The following CRYBG1 variants were observed in gnomAD, a reference collection of about 807,000 sequenced individuals.
The protein encoded by CRYBG1 is crystallin beta-gamma domain containing 1, also known as beta/gamma crystallin domain-containing protein 1.
In CRYBG1, 139 loss-of-function variants were observed where a neutral mutation model predicts 189.2. The observed-to-expected ratio is 0.73, with a 90% CI of 0.64 to 0.85. The LOEUF (loss-of-function observed/expected upper bound fraction) is 0.85. Among genes scored for constraint, CRYBG1 ranks in the 40% least tolerant of loss-of-function variants. The pLI, the probability that CRYBG1 is intolerant of heterozygous loss-of-function variation, is 0.00. For synonymous variants in CRYBG1, 1,023 were observed against 1,017.1 expected (o/e 1.01, Z -0.11); for missense variants, 2,611 against 2,675.8 (o/e 0.98, Z 0.53).
In CRYBG1 at chr6:106,571,785, C is replaced by A; in HGVS notation, c.*3219C>A. On this transcript the variant is annotated 3_prime_UTR_variant, in exon 22 of 22. Coordinates refer to ENST00000633556, the MANE Select transcript of CRYBG1 (RefSeq NM_001371242.2). ...AGTGTGAAGGAACAGCTTGAAAAAA[C>A]TTCGAATTTCTACTGACTACAGACA... is the stretch of plus-strand genomic sequence containing the variant. 1 of 465,394 alleles carries A rather than the reference C, an allele frequency of 2.1e-6. No individual in the cohort carries two copies. The allele number at this position is 465,394 out of a possible 1,614,324, so 28.8% of individuals were successfully genotyped here.
intron 2 of CRYBG1, among the ~76,000 whole-genome samples, chr6:106,498,217 T>A (rs957854581): frequency 2.6e-5 from 4 of 152,080 alleles, no homozygotes; most frequent in African/African-American, 9.7e-5. Context: ...GCAAGCTACC[T>A]AGTTTTGCAA....
chr6:106,422,509 G>GC (rs915846664), intron 1 of CRYBG1, among the ~76,000 whole-genome samples: 2 of 151,346 alleles, frequency 1.3e-5, no homozygotes, highest in African/African-American at 4.9e-5. Flanking sequence ...TTTTTGTATT[G>GC]TTTTTTAGAG....
At chr6:106,430,893 G>A (rs2004413) in intron 1 of CRYBG1, among the ~76,000 whole-genome samples, 57,950 of 151,852 alleles carry the variant, frequency 0.38, 11,842 homozygotes, top group East Asian at 0.68. Context: ...ATGGAGTCTC[G>A]CTCTGTCACC....
intron 1 of CRYBG1, among the ~76,000 whole-genome samples, chr6:106,422,668 T>A (rs998356320): frequency 3.3e-5 from 5 of 152,212 alleles, no homozygotes; most frequent in South Asian, 4.1e-4. Context: ...ACATATTTCA[T>A]CATCTTCTGC....
intron 1 of CRYBG1, among the ~76,000 whole-genome samples, chr6:106,364,643 G>T (rs1228870548): frequency 2.0e-5 from 3 of 152,230 alleles, no homozygotes; most frequent in African/African-American, 7.2e-5. Flanking sequence ...GGGTCTAGTG[G>T]TGTGGTGGAA....
intron 2 of CRYBG1, among the ~76,000 whole-genome samples, chr6:106,483,787 C>T (rs1352562176): frequency 6.6e-6 from 1 of 152,080 alleles, no homozygotes; most frequent in East Asian, 1.9e-4. Context: ...AACATTTTTT[C>T]ATAAACCTGT....
At chr6:106,554,597 G>A (rs990918450) in intron 16 of CRYBG1, among the ~76,000 whole-genome samples, 2 of 152,090 alleles carry the variant, frequency 1.3e-5, no homozygotes, top group East Asian at 1.9e-4. Context: ...GGGCAACAGA[G>A]CAAGACTGTC....
chr6:106,568,838 G>T lies in CRYBG1; in HGVS notation c.*272G>T. On this transcript the variant is annotated 3_prime_UTR_variant, in exon 22 of 22. Transcript: ENST00000633556. ...CAGGTTGCCTAATTAGCAGCTTTTG[G>T]GTGATTTTGTAAAATGTTATATCAA... 1 of 341,230 alleles carries T rather than the reference G, an allele frequency of 2.9e-6. No homozygotes were observed. The allele number at this position is 341,230 out of a possible 1,614,324, so 21.1% of individuals were successfully genotyped here.
intron 1 of CRYBG1, among the ~76,000 whole-genome samples, chr6:106,377,801 T>A (rs1198480821): frequency 6.6e-6 from 1 of 151,994 alleles, no homozygotes; most frequent in Non-Finnish European, 1.5e-5. Context: ...TATAAATAAG[T>A]ATAATTTACT....
chr6:106,434,016 G>T (rs919308596), intron 1 of CRYBG1, among the ~76,000 whole-genome samples: 1 of 151,872 alleles, frequency 6.6e-6, no homozygotes, highest in South Asian at 2.1e-4. Flanking sequence ...CTGTCAACCA[G>T]GACTCTAGTC....
rs1229504243 is a variant in CRYBG1, at chr6:106,361,953, T to TTTTCTTTCTTTCTTTC, written c.173+875_173+876insCTTTCTTTCTTTCTTT. Among the ~76,000 whole-genome samples, 75 of 89,118 alleles carry TTTTCTTTCTTTCTTTC rather than the reference T, an allele frequency of 8.4e-4. 4 individuals carry two copies. Among genetic ancestry groups the TTTTCTTTCTTTCTTTC allele is most frequent in the East Asian group, 1.7e-3 (5 of 2,940 alleles). The allele number at this position is 89,118 out of a possible 152,430, so 58.5% of individuals were successfully genotyped here. A position where few individuals can be genotyped will look rare whatever the true frequency, so the allele number is the denominator to read the frequency against. The stretch of plus-strand genomic sequence containing the variant: ...ATTTGCATTTTAGACATGGTTTTCC[T>TTTTCTTTCTTTCTTTC]TTTATTTCTTTCTTTCTTTTTTTTT... On this transcript the variant is annotated intron_variant, in intron 1 of 21. Coordinates refer to ENST00000633556, the MANE Select transcript of CRYBG1 (RefSeq NM_001371242.2).
chr6:106,391,568 T>TG (rs1562294268), intron 1 of CRYBG1, among the ~76,000 whole-genome samples: 2 of 129,394 alleles, frequency 1.5e-5, no homozygotes, highest in Non-Finnish European at 3.5e-5. Context: ...AGACCATCAG[T>TG]CTTTTTTTTT....
At chr6:106,392,986 G>T (rs1770536794) in intron 1 of CRYBG1, among the ~76,000 whole-genome samples, 4 of 152,100 alleles carry the variant, frequency 2.6e-5, no homozygotes, top group African/African-American at 9.7e-5. Context: ...TGTTGGCCAG[G>T]CAGGTCTCGA....
chr6:106,443,922 T>C (rs1430062428), intron 1 of CRYBG1, among the ~76,000 whole-genome samples: 2 of 152,314 alleles, frequency 1.3e-5, no homozygotes, highest in East Asian at 3.9e-4. Context: ...TAGTGTTGAC[T>C]GTAGTCACCC....
chr6:106,429,912 GAGTTGATTC>G (rs1396005220), intron 1 of CRYBG1, among the ~76,000 whole-genome samples: 1 of 152,128 alleles, frequency 6.6e-6, no homozygotes. Flanking sequence ...TAGTACTATT[GAGTTGATTC>G]TTTATTTGTC....
At chr6:106,527,498 T>G (rs777312146) in intron 7 of CRYBG1, 28 bp downstream of exon 7, 1 of 1,589,910 alleles carries the variant, frequency 6.3e-7, no homozygotes, top group Non-Finnish European at 8.6e-7. Flanking sequence ...TGGATTTTAT[T>G]TATTCAGCTA....
At chr6:106,413,010 T>C (rs1344431895) in intron 1 of CRYBG1, among the ~76,000 whole-genome samples, 1 of 152,004 alleles carries the variant, frequency 6.6e-6, no homozygotes, top group African/African-American at 2.4e-5. Flanking sequence ...GTTCTGGCTG[T>C]AAGAAAGACT....
At chr6:106,441,185 G>T (rs1384246971) in intron 1 of CRYBG1, among the ~76,000 whole-genome samples, 2 of 152,160 alleles carry the variant, frequency 1.3e-5, no homozygotes, top group African/African-American at 4.8e-5. Flanking sequence ...GTATGGGAAG[G>T]GCAAACAAAT....
chr6:106,565,491 C>G (rs1439341816), intron 21 of CRYBG1, among the ~76,000 whole-genome samples: 1 of 152,086 alleles, frequency 6.6e-6, no homozygotes, highest in Non-Finnish European at 1.5e-5. Flanking sequence ...GTAGCTTGGC[C>G]AACCCACTTA....
Sources: gnomAD v4.1 joint callset for allele counts (sites outside exome capture counted in the v4.1 genomes callset) on GRCh38, gnomAD v4.1.1 for gene constraint, MANE v1.5 for transcripts, NCBI Gene and HGNC (gene_info 2026-07-23, HGNC 2026-07-21) for gene names.